Variants in SORCS2 observed in about 807,000 individuals in gnomAD.
SORCS2 encodes the protein sortilin related VPS10 domain containing receptor 2.
In SORCS2, 100 loss-of-function variants were observed where a neutral mutation model predicts 141.6. That is an observed-to-expected ratio of 0.71 (90% CI 0.60 to 0.83). The LOEUF (loss-of-function observed/expected upper bound fraction) is 0.83, where lower values mean the gene tolerates loss of function less well. SORCS2 is among the 40% of genes least tolerant of loss of function. The probability of loss-of-function intolerance (pLI) is 0.00; values close to 1 mark genes in which losing one functional copy is unlikely to be tolerated. For missense variants in SORCS2, 1,646 were observed against 1,560.2 expected (o/e 1.05, Z -0.93); for synonymous variants, 789 against 676.9 (o/e 1.17, Z -2.57).
intron 5 of SORCS2, among the ~76,000 whole-genome samples, chr4:7,660,406 G>A (rs1577910104): frequency 6.6e-6 from 1 of 152,302 alleles, no homozygotes; most frequent in East Asian, 1.9e-4. Flanking sequence ...GACACCGTAG[G>A]TTTGTCCCAC....
intron 1 of SORCS2, among the ~76,000 whole-genome samples, chr4:7,335,176 C>T: frequency 6.6e-6 from 1 of 152,164 alleles, no homozygotes; most frequent in Non-Finnish European, 1.5e-5. Context: ...TCTGAGTATC[C>T]TCGTCCGGGG....
At chr4:7,685,884 A>G (rs1723844160) in intron 10 of SORCS2, among the ~76,000 whole-genome samples, 1 of 152,182 alleles carries the variant, frequency 6.6e-6, no homozygotes, top group African/African-American at 2.4e-5. Context: ...TAGCGCTCAT[A>G]AAAGTGATGC....
At chr4:7,292,347 C>G (rs1296567193) in intron 1 of SORCS2, among the ~76,000 whole-genome samples, 3 of 151,904 alleles carry the variant, frequency 2.0e-5, no homozygotes, top group Admixed American at 1.3e-4. Context: ...ACCAAGGAGG[C>G]TCCCCACCCC....
At position 7,551,753 on chromosome 4, in the gene SORCS2, G is replaced by A. The variant is rs1022915244; in HGVS notation, c.648+20124G>A. 3.9e-5 allele frequency among the ~76,000 whole-genome samples: 6 copies of A among 152,312 alleles called. No homozygotes were observed. In the East Asian group the frequency reaches 7.7e-4, roughly 20 times the overall value. ...TTCAGCATCGAACTCCAGGCAGCAC[G>A]CGAGCCAAGCTCTTTATCAGATGAC... On this transcript the variant is annotated intron_variant, in intron 3 of 26. Transcript: ENST00000507866.
rs1051982662 is a variant in SORCS2, at chr4:7,633,326, G to A, written c.649-5002G>A. Among the ~76,000 whole-genome samples the A allele has an allele frequency of 2.6e-5, 4 of 152,286 alleles. No homozygotes were observed. In the South Asian group the frequency reaches 8.3e-4, roughly 32 times the overall value. ...GAGGTGAAGCTGGACGAGAGGCGGAGCAGGGACCCCCACCTGCTTGCCTTT... is the reference window on the plus strand; with the variant it reads ...GAGGTGAAGCTGGACGAGAGGCGGAACAGGGACCCCCACCTGCTTGCCTTT... On this transcript the variant is annotated intron_variant, in intron 3 of 26. Coordinates refer to ENST00000507866, the MANE Select transcript of SORCS2 (RefSeq NM_020777.3).
chr4:7,397,671 C>T (rs975909944), intron 2 of SORCS2, among the ~76,000 whole-genome samples: 11 of 152,112 alleles, frequency 7.2e-5, no homozygotes, highest in Admixed American at 3.3e-4. Flanking sequence ...TACTTCGAGA[C>T]GAGAGCAGAA....
intron 2 of SORCS2, among the ~76,000 whole-genome samples, chr4:7,513,168 G>A (rs1024204541): frequency 6.6e-6 from 1 of 152,184 alleles, no homozygotes. Context: ...CTCAGTTTTC[G>A]AATCTCTAGA....
intron 1 of SORCS2, among the ~76,000 whole-genome samples, chr4:7,332,483 T>C (rs1719714184): frequency 6.6e-6 from 1 of 152,176 alleles, no homozygotes; most frequent in Non-Finnish European, 1.5e-5. Context: ...ACACTGAGCC[T>C]GGAGAAATCA....
chr4:7,253,460 G>A (rs1713641506), intron 1 of SORCS2, among the ~76,000 whole-genome samples: 1 of 152,360 alleles, frequency 6.6e-6, no homozygotes, highest in Non-Finnish European at 1.5e-5. Context: ...GCCCAGCGAA[G>A]GCACTACAGA....
chr4:7,567,250 G>T (rs1379881263), intron 3 of SORCS2, among the ~76,000 whole-genome samples: 1 of 152,116 alleles, frequency 6.6e-6, no homozygotes, highest in Admixed American at 6.5e-5. Flanking sequence ...ATGCGTTAAT[G>T]TTACAAGTGC....
At chr4:7,645,363 G>C (rs746012177) in intron 4 of SORCS2, among the ~76,000 whole-genome samples, 3 of 152,216 alleles carry the variant, frequency 2.0e-5, no homozygotes, top group African/African-American at 7.2e-5. Flanking sequence ...AGGGAGTGCT[G>C]TGTGACCTTG....
At chr4:7,608,028 C>T (rs746789683) in intron 3 of SORCS2, among the ~76,000 whole-genome samples, 1 of 152,126 alleles carries the variant, frequency 6.6e-6, no homozygotes, top group Admixed American at 6.5e-5. Context: ...ACATGCCATG[C>T]CCTGCCAGGG....
At chr4:7,595,700 G>C (rs1209926917) in intron 3 of SORCS2, among the ~76,000 whole-genome samples, 1 of 152,194 alleles carries the variant, frequency 6.6e-6, no homozygotes, top group African/African-American at 2.4e-5. Context: ...CCTGTGCACA[G>C]GGCCTGGCAC....
chr4:7,352,262 A>G (rs1308938799), intron 1 of SORCS2, among the ~76,000 whole-genome samples: 1 of 152,254 alleles, frequency 6.6e-6, no homozygotes, highest in Non-Finnish European at 1.5e-5. Context: ...TCTCAGTGCT[A>G]AGAACTGAGG....
rs1256473661 is a variant in SORCS2 at position 7,506,805 on chromosome 4, AT to A, written c.549-24724del. Among the ~76,000 whole-genome samples, 4 of 152,370 alleles carry A rather than the reference AT, an allele frequency of 2.6e-5. No homozygotes were observed. The East Asian group carries it at 7.7e-4, about 29-fold the overall frequency. On this transcript the variant is annotated intron_variant, in intron 2 of 26. Transcript: ENST00000507866. ...CTGGAGGTAGCAGACCCTGAAACAG[AT>A]GTCAAGGGAATAAGTAGACACTTGT...
intron 2 of SORCS2, among the ~76,000 whole-genome samples, chr4:7,429,517 T>C (rs1387208338): frequency 6.6e-6 from 1 of 152,144 alleles, no homozygotes; most frequent in African/African-American, 2.4e-5. Context: ...TCTGTAAAAA[T>C]ATAACAATGA....
chr4:7,443,489 A>C (rs971191385), intron 2 of SORCS2, among the ~76,000 whole-genome samples: 4 of 152,216 alleles, frequency 2.6e-5, no homozygotes, highest in Non-Finnish European at 4.4e-5. Flanking sequence ...TTTGGGAGCC[A>C]GAACCCTGGT....
At position 7,286,420 on chromosome 4, in the gene SORCS2, G is replaced by A. The variant is rs945986152; in HGVS notation, c.480+93294G>A. ...GAGCAGGGTGTGGGCGAAGGGAGAC[G>A]TCCTGGAAGGCAGCCACGAGGCCTG... is the stretch of plus-strand genomic sequence containing the variant. On this transcript the variant is annotated intron_variant, in intron 1 of 26. Coordinates refer to ENST00000507866, the MANE Select transcript of SORCS2 (RefSeq NM_020777.3). This position sits in a 1 kb window ranked among gnomAD's most constrained non-coding sequence, Gnocchi z 4.1. 2.0e-5 allele frequency among the ~76,000 whole-genome samples: 3 copies of A among 152,288 alleles called. No homozygotes were observed. Among genetic ancestry groups the A allele is most frequent in the Middle Eastern group, 3.4e-3 (1 of 294 alleles).
At chr4:7,733,927 C>T (rs1711926059) in intron 24 of SORCS2, among the ~76,000 whole-genome samples, 1 of 152,168 alleles carries the variant, frequency 6.6e-6, no homozygotes, top group South Asian at 2.1e-4. Context: ...GGCCTCTGGC[C>T]CCTCTCAGCC....
Sources: gnomAD v4.1 joint callset for allele counts (sites outside exome capture counted in the v4.1 genomes callset) on GRCh38, gnomAD v4.1.1 for gene constraint, Gnocchi (gnomAD v3.1) non-coding constraint, MANE v1.5 for transcripts, NCBI Gene and HGNC (gene_info 2026-07-23, HGNC 2026-07-21) for gene names.